Variants in ZFAT observed in about 807,000 individuals in gnomAD.
ZFAT encodes zinc finger protein ZFAT.
In ZFAT, 64 loss-of-function variants were observed where a neutral mutation model predicts 117.7. The ratio of observed to expected loss-of-function variants is 0.54; its 90% CI spans 0.44 to 0.67. The LOEUF (loss-of-function observed/expected upper bound fraction) is 0.67. Ranked by LOEUF, ZFAT falls within the 30% of genes least tolerant of loss-of-function variation. The pLI is 0.00. For synonymous variants in ZFAT, 679 were observed against 615.0 expected (o/e 1.10, Z -1.54); for missense variants, 1,433 against 1,584.5 (o/e 0.90, Z 1.62).
intron 3 of ZFAT, among the ~76,000 whole-genome samples, chr8:134,635,746 C>A (rs1005575390): frequency 3.3e-5 from 5 of 152,124 alleles, no homozygotes; most frequent in African/African-American, 1.2e-4. Context: ...TAACAAATCA[C>A]TGGAAATCAG....
At chr8:134,680,438 A>G (rs1298047505) in intron 1 of ZFAT, among the ~76,000 whole-genome samples, 2 of 152,178 alleles carry the variant, frequency 1.3e-5, no homozygotes, top group Non-Finnish European at 2.9e-5. Context: ...GTACAAATAA[A>G]TGTGTGTATT....
intron 9 of ZFAT, among the ~76,000 whole-genome samples, chr8:134,584,461 G>T (rs1334498394): frequency 1.3e-5 from 2 of 152,230 alleles, no homozygotes; most frequent in African/African-American, 2.4e-5. Context: ...CAATTGAACT[G>T]AGTTAGACTA....
intron 1 of ZFAT, among the ~76,000 whole-genome samples, chr8:134,692,980 G>A (rs1833653824): frequency 6.6e-6 from 1 of 152,236 alleles, no homozygotes; most frequent in Non-Finnish European, 1.5e-5. Flanking sequence ...CTGTTGAATT[G>A]CAACTGGAAA....
At chr8:134,584,115 TA>T in intron 9 of ZFAT, 110 bp from the exon 10 acceptor site, 1 of 1,194,922 alleles carries the variant, frequency 8.4e-7, no homozygotes. Context: ...TAGATATGTA[TA>T]TATAAAACAT....
At chr8:134,719,012 G>A in the ZFAT span, among the ~76,000 whole-genome samples, 1 of 152,128 alleles carries the variant, frequency 6.6e-6, no homozygotes, top group African/African-American at 2.4e-5. Flanking sequence ...GACAGCATCG[G>A]GAGCACACTG....
At chr8:134,508,334 G>A (rs1819565371) in intron 15 of ZFAT, among the ~76,000 whole-genome samples, 1 of 152,188 alleles carries the variant, frequency 6.6e-6, no homozygotes, top group Non-Finnish European at 1.5e-5. Context: ...GAGGTCACCA[G>A]GCACACATCA....
intron 11 of ZFAT, among the ~76,000 whole-genome samples, chr8:134,533,375 A>G (rs969933243): frequency 1.3e-5 from 2 of 152,206 alleles, no homozygotes; most frequent in African/African-American, 4.8e-5. Flanking sequence ...GGTGTCACAT[A>G]ATGACATTTC....
intron 13 of ZFAT, among the ~76,000 whole-genome samples, chr8:134,516,146 C>T (rs768610480): frequency 2.0e-5 from 3 of 152,212 alleles, no homozygotes; most frequent in Non-Finnish European, 2.9e-5. Context: ...AGGGTGTTTG[C>T]CTTAGAGAGC....
At position 134,600,686 on chromosome 8, in the gene ZFAT, C is replaced by T. The variant is rs773029456; in HGVS notation, c.2243-18G>A. On this transcript the variant is annotated intron_variant, in intron 6 of 15. Coordinates refer to ENST00000377838, the MANE Select transcript of ZFAT (RefSeq NM_020863.4). ...AAGTTTGCCTAAAAAAATATTTTCA[C>T]ATGAGAACAAGGAAGTTTCATTTTG... The T allele has an allele frequency of 6.4e-7, 1 of 1,555,748 alleles. No homozygotes were observed. Among genetic ancestry groups the T allele is most frequent in the Non-Finnish European group, 8.7e-7 (1 of 1,150,856 alleles).
chr8:134,780,512 CTTTACTA>C, the ZFAT span, among the ~76,000 whole-genome samples: 1 of 152,208 alleles, frequency 6.6e-6, no homozygotes, highest in Non-Finnish European at 1.5e-5. Context: ...AATTGTGTCT[CTTTACTA>C]TTTAACACTT....
the ZFAT span, chr8:134,800,734 A>G: frequency 1.3e-5 from 4 of 317,648 alleles, no homozygotes; most frequent in South Asian, 1.1e-4. Flanking sequence ...ATCCTGAGAG[A>G]AAGTGTAGAA....
the ZFAT span, among the ~76,000 whole-genome samples, chr8:134,771,714 G>A: frequency 6.6e-6 from 1 of 152,080 alleles, no homozygotes; most frequent in African/African-American, 2.4e-5. Context: ...ACATTTTCAG[G>A]TATCTACAGC....
the ZFAT span, among the ~76,000 whole-genome samples, chr8:134,774,421 C>T: frequency 6.6e-6 from 1 of 152,192 alleles, no homozygotes; most frequent in African/African-American, 2.4e-5. Flanking sequence ...CTTCTTTTGA[C>T]ATTGCCACAG....
At chr8:134,497,737 G>A (rs1368055761) in intron 15 of ZFAT, among the ~76,000 whole-genome samples, 1 of 88,992 alleles carries the variant, frequency 1.1e-5, no homozygotes, top group African/African-American at 4.3e-5. Context: ...GGTTGGGGTG[G>A]AGCCGTGATG....
the ZFAT span, among the ~76,000 whole-genome samples, chr8:134,782,992 C>T: frequency 8.0e-5 from 12 of 150,098 alleles, no homozygotes; most frequent in South Asian, 4.2e-4. Flanking sequence ...TATATATATA[C>T]ACACACACAC....
At chr8:134,752,549 T>G in the ZFAT span, among the ~76,000 whole-genome samples, 1 of 152,198 alleles carries the variant, frequency 6.6e-6, no homozygotes, top group South Asian at 2.1e-4. Context: ...ACATCTCAAA[T>G]GTTAAGACTG....
chr8:134,631,483 C>T (rs933354395), intron 3 of ZFAT, among the ~76,000 whole-genome samples: 3 of 152,188 alleles, frequency 2.0e-5, no homozygotes, highest in African/African-American at 7.2e-5. Context: ...TGATCATCAT[C>T]GCTTCTGCAT....
At chr8:134,783,816 A>AGAT in the ZFAT span, 1 of 152,230 alleles carries the variant, frequency 6.6e-6, no homozygotes, top group Admixed American at 6.5e-5. Context: ...ATCTGACAGG[A>AGAT]GATGCATGCA....
In ZFAT at chr8:134,601,375, G is replaced by C. The variant is rs55693616; in HGVS notation, c.2242+102C>G. ...ACAATGGAGGAGGATGGCTCACTTA[G>C]AAGGTATTCTTTGCAAACAGACATG... On this transcript the variant is annotated intron_variant, in intron 6 of 15. Transcript: ENST00000377838. 4 of 1,479,524 alleles carry C rather than the reference G, an allele frequency of 2.7e-6. No homozygotes were observed. In the South Asian group the frequency reaches 5.4e-5, roughly 20 times the overall value. 91.6% of individuals were successfully genotyped at this position (1,479,524 alleles called of 1,614,324 possible). A position where few individuals can be genotyped will look rare whatever the true frequency, so the allele number is the denominator to read the frequency against.
Sources: gnomAD v4.1 joint callset for allele counts (sites outside exome capture counted in the v4.1 genomes callset) on GRCh38, gnomAD v4.1.1 for gene constraint, MANE v1.5 for transcripts, NCBI Gene and HGNC (gene_info 2026-07-23, HGNC 2026-07-21) for gene names.